CEP350: variants seen among roughly 807,000 people sequenced by gnomAD.
CEP350 encodes centrosomal protein 350.
Under a neutral mutation model 331.8 loss-of-function variants are expected in CEP350, and 126 were observed. The observed-to-expected ratio is 0.38, with a 90% CI of 0.33 to 0.44. CEP350 has a LOEUF of 0.44. Ranked by LOEUF, CEP350 falls within the 20% of genes least tolerant of loss-of-function variation. The pLI is 1.00. For missense variants in CEP350, 3,406 were observed against 3,634.6 expected (o/e 0.94, Z 1.62); for synonymous variants, 1,200 against 1,259.5 (o/e 0.95, Z 1.00).
intron 25 of CEP350, among the ~76,000 whole-genome samples, chr1:180,059,999 G>A (rs1658094399): frequency 6.6e-6 from 1 of 151,838 alleles, no homozygotes; most frequent in African/African-American, 2.4e-5. Flanking sequence ...AATCAAGCTA[G>A]ACAATAAAGA....
At chr1:180,037,649 T>A (rs1261919398) in intron 17 of CEP350, among the ~76,000 whole-genome samples, 2 of 152,070 alleles carry the variant, frequency 1.3e-5, no homozygotes, top group Non-Finnish European at 2.9e-5. Context: ...TTGATGAGTT[T>A]ATTTATTTAT....
At chr1:180,062,843 T>G (rs1198703191) in intron 26 of CEP350, among the ~76,000 whole-genome samples, 1 of 152,238 alleles carries the variant, frequency 6.6e-6, no homozygotes, top group Non-Finnish European at 1.5e-5. Flanking sequence ...GTCTTAATGT[T>G]ACAATGAGAA....
chr1:180,002,209 C>T (rs750716757), intron 6 of CEP350, among the ~76,000 whole-genome samples: 2 of 152,186 alleles, frequency 1.3e-5, no homozygotes, highest in South Asian at 2.1e-4. Flanking sequence ...CGCGGTGGCT[C>T]ATGCCTGTAA....
At chr1:180,086,775 T>C (rs939071215) in intron 31 of CEP350, among the ~76,000 whole-genome samples, 17 of 152,116 alleles carry the variant, frequency 1.1e-4, no homozygotes, top group African/African-American at 4.1e-4. Context: ...GTAACATGGA[T>C]GATGAGAGTT....
At chr1:179,980,819 A>G (rs1284118245) in intron 1 of CEP350, among the ~76,000 whole-genome samples, 1 of 152,144 alleles carries the variant, frequency 6.6e-6, no homozygotes, top group Non-Finnish European at 1.5e-5. Flanking sequence ...GGTACTCAAA[A>G]AACATTGTTA....
intron 37 of CEP350, among the ~76,000 whole-genome samples, chr1:180,099,687 T>G (rs772942553): frequency 1.3e-5 from 2 of 152,206 alleles, no homozygotes; most frequent in African/African-American, 2.4e-5. Flanking sequence ...TTCTCATGTA[T>G]GTACCTCTCT....
intron 1 of CEP350, among the ~76,000 whole-genome samples, chr1:179,971,084 A>G (rs1401686829): frequency 6.7e-6 from 1 of 149,926 alleles, no homozygotes; most frequent in East Asian, 2.0e-4. Flanking sequence ...GCTGGAGTGC[A>G]GCAGTGCAAT....
In CEP350 at chr1:180,075,366, C is replaced by T. The variant is rs746284092; in HGVS notation, c.5767+145C>T. 3.7e-4 allele frequency: 300 copies of T among 805,136 alleles called. 1 individual carries two copies. The highest frequency in any genetic ancestry group is 1.0e-4 in the South Asian group (5 of 49,248). The allele number at this position is 805,136 out of a possible 1,614,324, so 49.9% of individuals were successfully genotyped here. On this transcript the variant is annotated intron_variant, in intron 28 of 37. Coordinates refer to ENST00000367607, the MANE Select transcript of CEP350 (RefSeq NM_014810.5). ...CTTTGGAAGGCCAAGGCCAGAGGAT[C>T]GCCTGAGGCCAGGAGTTCAAGACCA... is the stretch of plus-strand genomic sequence containing the variant.
intron 19 of CEP350, 24 bp downstream of exon 19, chr1:180,041,826 T>C (rs765504111): frequency 6.9e-6 from 11 of 1,588,362 alleles, no homozygotes; most frequent in Non-Finnish European, 9.4e-6. Flanking sequence ...AGAACACTTC[T>C]CTTTTTACTT....
intron 1 of CEP350, among the ~76,000 whole-genome samples, chr1:179,965,910 G>A (rs931910247): frequency 2.6e-5 from 4 of 152,042 alleles, no homozygotes; most frequent in Non-Finnish European, 5.9e-5. Context: ...ACAGGCATGA[G>A]CCACTGTGCT....
At chr1:180,102,271 G>A (rs1341196261) in intron 37 of CEP350, among the ~76,000 whole-genome samples, 1 of 152,068 alleles carries the variant, frequency 6.6e-6, no homozygotes, top group East Asian at 1.9e-4. Context: ...GAGTAGCTGG[G>A]ATTAGAGGCG....
intron 25 of CEP350, among the ~76,000 whole-genome samples, chr1:180,056,469 C>CA (rs1272030330): frequency 3.8e-5 from 4 of 104,746 alleles, no homozygotes; most frequent in African/African-American, 1.5e-4. Flanking sequence ...TGCCCCTCCC[C>CA]CCCCCCCTTT....
intron 1 of CEP350, among the ~76,000 whole-genome samples, chr1:179,984,056 C>T (rs142925748): frequency 5.3e-5 from 8 of 152,248 alleles, no homozygotes; most frequent in Admixed American, 4.6e-4. Flanking sequence ...CATTGTATTT[C>T]AAGAGCAGCA....
At position 180,093,886 on chromosome 1, in the gene CEP350, A is replaced by G; in HGVS notation, c.7781A>G (p.Glu2594Gly). The change falls in exon 34 of 38, where the codon GAG becomes GGG. Residue 2594 changes from glutamate (E) to glycine (G), a missense_variant. Coordinates refer to ENST00000367607, the MANE Select transcript of CEP350 (RefSeq NM_014810.5). ...SDERYQCYNQ[E>G]QNDTEGPKDR... ...GAACGATATCAGTGCTATAATCAAG[A>G]GCAAAATGATACAGAGGGTCCAAAA... 6.2e-7 allele frequency: 1 copy of G among 1,613,920 alleles called. No individual in the cohort carries two copies. Among genetic ancestry groups the G allele is most frequent in the South Asian group, 1.1e-5 (1 of 91,074 alleles).
intron 1 of CEP350, among the ~76,000 whole-genome samples, chr1:179,963,711 A>G (rs1468645802): frequency 2.0e-5 from 3 of 151,936 alleles, no homozygotes; most frequent in African/African-American, 7.3e-5. Flanking sequence ...CTGTTTTTGT[A>G]TTGGTAACAT....
chr1:180,008,123 T>G (rs573051185), intron 8 of CEP350, among the ~76,000 whole-genome samples: 7 of 152,280 alleles, frequency 4.6e-5, no homozygotes, highest in African/African-American at 1.7e-4. Flanking sequence ...CTGAATCCTT[T>G]CACTTATTCT....
At chr1:179,994,490 G>C (rs1474118108) in intron 5 of CEP350, among the ~76,000 whole-genome samples, 1 of 126,030 alleles carries the variant, frequency 7.9e-6, no homozygotes, top group African/African-American at 3.1e-5. Context: ...GTCTCACTCT[G>C]TTGCCCAGGC....
At chr1:180,024,361 A>G in intron 13 of CEP350, 58 bp from the exon 14 acceptor site, 1 of 1,445,774 alleles carries the variant, frequency 6.9e-7, no homozygotes, top group South Asian at 1.3e-5. Context: ...AATATCTTTA[A>G]TTTAGCTGTG....
chr1:180,090,645 A>T (rs919015909), intron 32 of CEP350, 69 bp from the exon 33 acceptor site: 12 of 1,389,382 alleles, frequency 8.6e-6, no homozygotes, highest in African/African-American at 1.5e-5. Flanking sequence ...TTGTCTAAGA[A>T]TGTCTGCTTT....
Sources: allele counts gnomAD v4.1 joint callset (sites outside exome capture counted in the v4.1 genomes callset), GRCh38; gene constraint gnomAD v4.1.1; transcripts MANE v1.5; gene names NCBI Gene and HGNC (gene_info 2026-07-23, HGNC 2026-07-21).